The following OTUD7A variants were observed in gnomAD, a reference collection of about 807,000 sequenced individuals.
The protein encoded by OTUD7A is OTU deubiquitinase 7A.
In OTUD7A, 12 loss-of-function variants were observed where a neutral mutation model predicts 65.7. The observed-to-expected ratio is 0.18, with a 90% CI of 0.12 to 0.30. OTUD7A has a LOEUF of 0.30. Ranked by LOEUF, OTUD7A falls within the 10% of genes least tolerant of loss-of-function variation. The pLI, the probability that OTUD7A is intolerant of heterozygous loss-of-function variation, is 1.00. For missense variants in OTUD7A, 1,148 were observed against 1,304.8 expected, an observed-to-expected ratio of 0.88 and a Z score of 1.85; for synonymous variants, 641 against 586.3, an observed-to-expected ratio of 1.09 and a Z score of -1.35.
At chr15:31,730,131 T>C (rs1436804896) in intron 1 of OTUD7A, among the ~76,000 whole-genome samples, 1 of 152,184 alleles carries the variant, frequency 6.6e-6, no homozygotes, top group African/African-American at 2.4e-5. Flanking sequence ...CTCTCTGCCA[T>C]GTGAGGACAC....
chr15:31,699,314 C>T (rs1291032700), intron 1 of OTUD7A, among the ~76,000 whole-genome samples: 7 of 152,114 alleles, frequency 4.6e-5, no homozygotes, highest in African/African-American at 1.4e-4. Context: ...CTCCTGACCT[C>T]GTGATCCGCC....
chr15:31,809,562 T>C (rs895441950), intron 1 of OTUD7A, among the ~76,000 whole-genome samples: 13 of 152,352 alleles, frequency 8.5e-5, no homozygotes, highest in Middle Eastern at 6.8e-3. Context: ...CAGGAAGTAT[T>C]TGCAATCCTA....
intron 1 of OTUD7A, among the ~76,000 whole-genome samples, chr15:31,699,862 C>A (rs1024260822): frequency 2.6e-5 from 4 of 151,996 alleles, no homozygotes; most frequent in African/African-American, 4.8e-5. Flanking sequence ...TGTCTGACTG[C>A]GCTGTTAGTG....
At chr15:31,641,494 T>G (rs577281408) in intron 3 of OTUD7A, among the ~76,000 whole-genome samples, 14 of 152,324 alleles carry the variant, frequency 9.2e-5, no homozygotes, top group African/African-American at 3.4e-4. Flanking sequence ...GCTTGGATTG[T>G]TATTGAGATT....
chr15:31,633,803 A>C (rs770227160), intron 3 of OTUD7A, among the ~76,000 whole-genome samples: 3 of 152,086 alleles, frequency 2.0e-5, no homozygotes, highest in Non-Finnish European at 4.4e-5. Context: ...CAGCCCTCAG[A>C]GCCCACACTC....
intron 1 of OTUD7A, among the ~76,000 whole-genome samples, chr15:31,784,080 C>T (rs2338890): frequency 0.2 from 29,975 of 152,120 alleles, 3,394 homozygotes; most frequent in Admixed American, 0.28. Flanking sequence ...ACTCAATGGA[C>T]CACTATTTTC....
At chr15:31,625,029 G>A (rs1338622010) in intron 3 of OTUD7A, among the ~76,000 whole-genome samples, 1 of 152,214 alleles carries the variant, frequency 6.6e-6, no homozygotes, top group Non-Finnish European at 1.5e-5. Context: ...ACACACTGTG[G>A]CTTCCACCAT....
Position 31,821,708 on chromosome 15 carries a change from CTGTA to C in OTUD7A, c.-100+48795_-100+48798del, listed in dbSNP as rs1896687211. ...AACTACCAAACTATTTCTCAAAGAG[CTGTA>C]TCATTTTATATTCCCACCAGAAACA... On this transcript the variant is annotated intron_variant, in intron 1 of 12. Coordinates refer to ENST00000307050, the MANE Select transcript of OTUD7A (RefSeq NM_001382637.1). 7.9e-5 allele frequency among the ~76,000 whole-genome samples: 12 copies of C among 152,292 alleles called. No homozygotes were observed. The South Asian group carries it at 2.5e-3, about 32-fold the overall frequency.
At chr15:31,803,573 G>A (rs1466363497) in intron 1 of OTUD7A, among the ~76,000 whole-genome samples, 1 of 152,214 alleles carries the variant, frequency 6.6e-6, no homozygotes, top group Non-Finnish European at 1.5e-5. Context: ...GCTAGCAGGA[G>A]CTCCACAGGG....
intron 1 of OTUD7A, among the ~76,000 whole-genome samples, chr15:31,860,689 A>ATATATATATATGTATG (rs1897712490): frequency 8.0e-6 from 1 of 125,768 alleles, no homozygotes; most frequent in Non-Finnish European, 1.7e-5. Context: ...ATATATATAT[A>ATATATATATATGTATG]TATATATATA....
At chr15:31,663,553 T>A (rs1892232482) in intron 1 of OTUD7A, among the ~76,000 whole-genome samples, 1 of 151,878 alleles carries the variant, frequency 6.6e-6, no homozygotes, top group Non-Finnish European at 1.5e-5. Flanking sequence ...TCTGTTCCTG[T>A]GTTAGTTTGC....
chr15:31,685,406 G>A (rs916890291), intron 1 of OTUD7A, among the ~76,000 whole-genome samples: 1 of 151,992 alleles, frequency 6.6e-6, no homozygotes, highest in African/African-American at 2.4e-5. Flanking sequence ...AGCACTTTGG[G>A]AGACCAAGGC....
At chr15:31,671,990 GC>G (rs1396005955) in intron 1 of OTUD7A, among the ~76,000 whole-genome samples, 3 of 152,030 alleles carry the variant, frequency 2.0e-5, no homozygotes, top group Non-Finnish European at 2.9e-5. Context: ...TTAATGCTTA[GC>G]TCCCACTTTT....
chr15:31,585,717 C>T (rs12050678), intron 3 of OTUD7A, among the ~76,000 whole-genome samples: 49,907 of 152,032 alleles, frequency 0.33, 10,735 homozygotes, highest in African/African-American at 0.61. Flanking sequence ...GAAAGAGCCC[C>T]GGCTGTATTC....
At chr15:31,731,543 T>G (rs1894042899) in intron 1 of OTUD7A, among the ~76,000 whole-genome samples, 4 of 152,118 alleles carry the variant, frequency 2.6e-5, no homozygotes, top group African/African-American at 9.7e-5. Flanking sequence ...TACCAGGGGC[T>G]AGAGGGAGGA....
At chr15:31,488,627 T>G (rs1156499855) in intron 10 of OTUD7A, among the ~76,000 whole-genome samples, 4 of 152,220 alleles carry the variant, frequency 2.6e-5, no homozygotes, top group South Asian at 4.1e-4. Context: ...CCAGCTGCTT[T>G]GCCTCTTTGC....
At chr15:31,685,462 G>A (rs758224290) in intron 1 of OTUD7A, among the ~76,000 whole-genome samples, 16 of 151,840 alleles carry the variant, frequency 1.1e-4, no homozygotes, top group South Asian at 2.1e-4. Flanking sequence ...TGGCTAACAC[G>A]GTGAAACCCT....
intron 5 of OTUD7A, among the ~76,000 whole-genome samples, chr15:31,554,896 G>A (rs1595606486): frequency 6.6e-6 from 1 of 152,206 alleles, no homozygotes; most frequent in Non-Finnish European, 1.5e-5. Flanking sequence ...AGGTCAGCTG[G>A]TTTTAGGCCC....
rs940878729 is a variant in OTUD7A at position 31,484,848 on chromosome 15, C to T, written c.1372-124G>A. Reference sequence around the variant, plus strand: ...GGCCCTGGACCTTCACTGTCCCAGTCCCCACTGTCGCTCTGGTGACTGTGA... The same window carrying T: ...GGCCCTGGACCTTCACTGTCCCAGTTCCCACTGTCGCTCTGGTGACTGTGA... On this transcript the variant is annotated intron_variant, in intron 12 of 12. Coordinates refer to ENST00000307050, the MANE Select transcript of OTUD7A (RefSeq NM_001382637.1). This position sits in a 1 kb window ranked among gnomAD's most constrained non-coding sequence, Gnocchi z 4.5. 7 of 1,454,370 alleles carry T rather than the reference C, an allele frequency of 4.8e-6. No individual in the cohort carries two copies. The highest frequency in any genetic ancestry group is 4.5e-6 in the Non-Finnish European group (5 of 1,103,372). 90.1% of individuals were successfully genotyped at this position (1,454,370 alleles called of 1,614,324 possible).
Sources: allele counts gnomAD v4.1 joint callset (sites outside exome capture counted in the v4.1 genomes callset), GRCh38; gene constraint gnomAD v4.1.1; non-coding constraint Gnocchi (gnomAD v3.1); transcripts MANE v1.5; gene names NCBI Gene and HGNC (gene_info 2026-07-23, HGNC 2026-07-21).